RPSA2: variants seen among roughly 807,000 people sequenced by gnomAD.
The protein encoded by RPSA2 is ribosomal protein SA 2, also known as small ribosomal subunit protein uS2B.
the RPSA2 span, among the ~76,000 whole-genome samples, chr19:23,774,542 C>G: frequency 6.6e-6 from 1 of 152,200 alleles, no homozygotes; most frequent in Non-Finnish European, 1.5e-5. Context: ...TGACATATTA[C>G]TGGGCTCAAC....
the RPSA2 span, among the ~76,000 whole-genome samples, chr19:23,804,378 G>A: frequency 8.7e-5 from 13 of 148,600 alleles, no homozygotes; most frequent in Admixed American, 6.8e-4. Flanking sequence ...CTCACTGCAA[G>A]CTCCGCCTCC....
the RPSA2 span, among the ~76,000 whole-genome samples, chr19:23,867,145 C>T: frequency 6.6e-6 from 1 of 151,858 alleles, no homozygotes; most frequent in African/African-American, 2.4e-5. Context: ...CTGTTTGGTA[C>T]AAATTAAAAA....
chr19:23,813,353 T>C, the RPSA2 span, among the ~76,000 whole-genome samples: 2 of 152,046 alleles, frequency 1.3e-5, no homozygotes, highest in African/African-American at 4.8e-5. Context: ...TTAAATAACA[T>C]TTACTCATTT....
At chr19:23,787,811 C>T in the RPSA2 span, among the ~76,000 whole-genome samples, 2 of 152,014 alleles carry the variant, frequency 1.3e-5, no homozygotes, top group Admixed American at 6.6e-5. Context: ...AGTACCAAAG[C>T]GATATTACTT....
the RPSA2 span, among the ~76,000 whole-genome samples, chr19:23,852,568 C>G: frequency 6.6e-6 from 1 of 152,208 alleles, no homozygotes. Flanking sequence ...GCCCTTAAGA[C>G]ACAGATCACT....
the RPSA2 span, among the ~76,000 whole-genome samples, chr19:23,830,660 G>A: frequency 2.7e-5 from 4 of 149,482 alleles, no homozygotes; most frequent in Admixed American, 2.0e-4. Context: ...AAATATTTTT[G>A]TTCTTGTCCT....
At chr19:23,857,546 A>C in the RPSA2 span, among the ~76,000 whole-genome samples, 1 of 132,864 alleles carries the variant, frequency 7.5e-6, no homozygotes, top group Non-Finnish European at 1.5e-5. Flanking sequence ...GCTAGAGTGC[A>C]GTGGTTCAAT....
chr19:23,869,693 G>A, the RPSA2 span, among the ~76,000 whole-genome samples: 2 of 152,134 alleles, frequency 1.3e-5, no homozygotes, highest in South Asian at 2.1e-4. Context: ...CATGGAGCAG[G>A]CTTTAGCACA....
At chr19:23,849,384 T>A in the RPSA2 span, among the ~76,000 whole-genome samples, 4 of 152,038 alleles carry the variant, frequency 2.6e-5, no homozygotes, top group Admixed American at 2.0e-4. Context: ...TAGGGTCCCA[T>A]AAAGGAAGAT....
the RPSA2 span, among the ~76,000 whole-genome samples, chr19:23,846,110 A>G: frequency 6.6e-6 from 1 of 152,050 alleles, no homozygotes; most frequent in Non-Finnish European, 1.5e-5. Context: ...TTCTTTTTAA[A>G]GTCTGTTTTA....
At chr19:23,761,921 T>TCTCTCTCTCTC in the RPSA2 span, among the ~76,000 whole-genome samples, 13 of 76,188 alleles carry the variant, frequency 1.7e-4, 1 homozygote, top group South Asian at 5.3e-4. Flanking sequence ...TCTTTCTTTC[T>TCTCTCTCTCTC]TTTTTTTTTT....
chr19:23,812,401 TGTTTATG>T, the RPSA2 span, among the ~76,000 whole-genome samples: 2 of 149,234 alleles, frequency 1.3e-5, no homozygotes, highest in Non-Finnish European at 3.0e-5. Context: ...TTTTTTTTTT[TGTTTATG>T]TTTTTGAGAC....
chr19:23,840,225 A>T, the RPSA2 span, among the ~76,000 whole-genome samples: 27 of 152,298 alleles, frequency 1.8e-4, no homozygotes, highest in Middle Eastern at 6.8e-3. Context: ...GCCTAACAAG[A>T]TTATTTGAAG....
chr19:23,833,069 G>A, the RPSA2 span: 6 of 1,321,678 alleles, frequency 4.5e-6, no homozygotes, highest in Admixed American at 8.4e-5. Flanking sequence ...TGTGAAGAAT[G>A]TGGCAAATCT....
At chr19:23,856,385 C>A in the RPSA2 span, among the ~76,000 whole-genome samples, 1 of 151,842 alleles carries the variant, frequency 6.6e-6, no homozygotes, top group Non-Finnish European at 1.5e-5. Flanking sequence ...ACCATATTTT[C>A]CATGGTCACT....
At chr19:23,856,642 A>T in the RPSA2 span, among the ~76,000 whole-genome samples, 1 of 152,310 alleles carries the variant, frequency 6.6e-6, no homozygotes, top group Admixed American at 6.5e-5. Flanking sequence ...ACTTGCCCCC[A>T]GTATTTCAAC....
At chr19:23,818,186 T>C in the RPSA2 span, 1 of 152,220 alleles carries the variant, frequency 6.6e-6, no homozygotes, top group Non-Finnish European at 1.5e-5. Context: ...GGGTCATTAG[T>C]TGTGTAGTAG....
chr19:23,770,613 G>A, the RPSA2 span, among the ~76,000 whole-genome samples: 9 of 152,250 alleles, frequency 5.9e-5, no homozygotes, highest in Non-Finnish European at 7.3e-5. Flanking sequence ...TTTTCTGCCT[G>A]CACCCTGACC....
At chr19:23,840,652 C>A in the RPSA2 span, among the ~76,000 whole-genome samples, 1 of 152,062 alleles carries the variant, frequency 6.6e-6, no homozygotes, top group Non-Finnish European at 1.5e-5. Flanking sequence ...TATTTAGATA[C>A]ACTATTAGAA....
Sources: allele counts gnomAD v4.1 joint callset (sites outside exome capture counted in the v4.1 genomes callset), GRCh38; gene constraint gnomAD v4.1.1; transcripts MANE v1.5; gene names NCBI Gene and HGNC (gene_info 2026-07-23, HGNC 2026-07-21).